ADCY6: variants seen among roughly 807,000 people sequenced by gnomAD.
ADCY6 encodes adenylate cyclase type 6.
ADCY6 carries 59 observed loss-of-function variants against 111.6 expected under a neutral mutation model. The ratio of observed to expected loss-of-function variants is 0.53; its 90% CI spans 0.43 to 0.66. ADCY6 has a LOEUF of 0.66. Among genes scored for constraint, ADCY6 ranks in the 30% least tolerant of loss-of-function variants. The probability of loss-of-function intolerance (pLI) is 0.00; values close to 1 mark genes in which losing one functional copy is unlikely to be tolerated. For synonymous variants in ADCY6, 576 were observed against 642.9 expected (o/e 0.90, Z 1.57); for missense variants, 1,242 against 1,595.6 (o/e 0.78, Z 3.78).
At position 48,783,064 on chromosome 12, in the gene ADCY6, T is replaced by C. The variant is rs1466776066; in HGVS notation, c.371A>G (p.Gln124Arg). The change falls in exon 2 of 22, where the codon CAG (glutamine) becomes CGG (arginine). Residue 124 changes from glutamine (Q) to arginine (R), a missense_variant. Coordinates refer to ENST00000357869, the MANE Select transcript of ADCY6 (RefSeq NM_015270.5). ...ACGGAACTGCTTCGACTGGAACACCTGCACCAGACGGCGCCAGCAGGATCG... is the reference window on the plus strand; with the variant it reads ...ACGGAACTGCTTCGACTGGAACACCCGCACCAGACGGCGCCAGCAGGATCG... The part of the protein sequence containing the change: ...SGRSCWRRLV[Q>R]VFQSKQFRSA... 1.2e-6 allele frequency: 2 copies of C among 1,612,906 alleles called. No individual in the cohort carries two copies. The highest frequency in any genetic ancestry group is 2.7e-5 in the African/African-American group (2 of 74,948).
At chr12:48,775,529 C>T (rs1269893796) in intron 10 of ADCY6, 79 bp from the exon 11 acceptor site, 3 of 1,595,054 alleles carry the variant, frequency 1.9e-6, no homozygotes, top group African/African-American at 2.7e-5. Context: ...GTATGGACAG[C>T]ACCTGAGGGA....
Position 48,771,028 on chromosome 12 carries a change from C to G in ADCY6, c.3052-58G>C. ...CAAAGACCCCAGACCCAGCCCTGCC[C>G]CAACACTCATTTCTTGCCACGCCTT... On this transcript the variant is annotated intron_variant, in intron 19 of 21. Coordinates refer to ENST00000357869, the MANE Select transcript of ADCY6 (RefSeq NM_015270.5). The surrounding 1 kb of genome is among the most constrained non-coding windows in gnomAD (Gnocchi z 4.3). 3.2e-6 allele frequency: 5 copies of G among 1,557,082 alleles called. No individual in the cohort carries two copies. The highest frequency in any genetic ancestry group is 4.4e-6 in the Non-Finnish European group (5 of 1,139,176).
Position 48,774,059 on chromosome 12 carries a change from G to A in ADCY6, c.2323C>T (p.Arg775Trp), listed in dbSNP as rs748915043. 1.7e-5 allele frequency: 27 copies of A among 1,611,726 alleles called. No individual in the cohort carries two copies. In the East Asian group the frequency reaches 2.5e-4, roughly 15 times the overall value. ...NHTPIRSCAA[R>W]MLNLTPADIT... The stretch of plus-strand genomic sequence containing the variant: ...TCAGCAGGTGTTAAATTCAGCATCC[G>A]GGCTGCACAGCTCCGTATGGGGGTG... Residue 775 changes from arginine to tryptophan, a missense_variant, in exon 15 of 22, where the codon CGG becomes TGG. By Grantham distance (101) the Arg-to-Trp change is moderately radical. Transcript: ENST00000357869.
chr12:48,780,085 G>C (rs752474581), intron 2 of ADCY6, among the ~76,000 whole-genome samples: 1 of 152,170 alleles, frequency 6.6e-6, no homozygotes, highest in Non-Finnish European at 1.5e-5. Context: ...AGAAGGGAAG[G>C]GGGGCAAACC....
Position 48,782,951 on chromosome 12 carries a change from GCAGCAC to G in ADCY6, c.478_483del (p.Val160_Leu161del). 1.2e-6 allele frequency: 2 copies of G among 1,613,470 alleles called. No individual in the cohort carries two copies. The highest frequency in any genetic ancestry group is 1.1e-5 in the South Asian group (1 of 91,068). On this transcript the variant is annotated inframe_deletion, in exon 2 of 22. Coordinates refer to ENST00000357869, the MANE Select transcript of ADCY6 (RefSeq NM_015270.5). This position sits in a 1 kb window ranked among gnomAD's most constrained non-coding sequence, Gnocchi z 4.3. ...TGGAAAGCCAGCAGCACCGCTGTGA[GCAGCAC>G]CAGCACCGCCATCAGCAGCGTCAGG...
At chr12:48,773,706 G>T in intron 15 of ADCY6, 59 bp from the exon 16 acceptor site, 1 of 1,600,644 alleles carries the variant, frequency 6.2e-7, no homozygotes, top group Non-Finnish European at 8.6e-7. Flanking sequence ...CCCTTGGGCA[G>T]GGAGAGCCCT....
intron 2 of ADCY6, among the ~76,000 whole-genome samples, chr12:48,781,512 A>C (rs1941845026): frequency 6.6e-6 from 1 of 152,134 alleles, no homozygotes; most frequent in Admixed American, 6.5e-5. Context: ...GCAGATCCAC[A>C]AACTAACATC....
At position 48,774,958 on chromosome 12, in the gene ADCY6, G is replaced by T. The variant is rs775978363; in HGVS notation, c.2077C>A (p.His693Asn). 3.0e-5 allele frequency: 47 copies of T among 1,553,606 alleles called. No homozygotes were observed. The highest frequency in any genetic ancestry group is 3.1e-5 in the Non-Finnish European group (36 of 1,147,838). ...ICFIQLLIFP[H>N]STLMLGIYAS... ...AGAGAGGAAAGGCAGGGCTCTCACT[G>T]TGGGAAGATGAGAAGCTGGATGAAG... is the stretch of plus-strand genomic sequence containing the variant. The change falls in exon 12 of 22, where the codon CAC becomes AAC. Residue 693 changes from histidine to asparagine, a missense_variant and splice_region_variant. Physicochemically the swap from His to Asn is moderately conservative, Grantham distance 68. This residue lies in a region of ADCY6 where 375 missense variants were observed against 432.5 expected (regional missense o/e 0.87). Coordinates refer to ENST00000357869, the MANE Select transcript of ADCY6 (RefSeq NM_015270.5).
chr12:48,788,349 TAGCCTTTCAGTCG>T (rs1403842980), intron 1 of ADCY6, among the ~76,000 whole-genome samples: 2 of 152,132 alleles, frequency 1.3e-5, no homozygotes, highest in Non-Finnish European at 2.9e-5. Context: ...ATTCCACCTC[TAGCCTTTCAGTCG>T]AGCCCCAGAG....
chr12:48,773,333 C>T, intron 16 of ADCY6, 136 bp downstream of exon 16: 1 of 986,860 alleles, frequency 1.0e-6, no homozygotes. Flanking sequence ...GGGAGCTCCT[C>T]CATCTCCTCC....
rs1941511878 is a variant in ADCY6, at chr12:48,770,669, C to G, written c.3256+97G>C. 5 of 1,251,794 alleles carry G rather than the reference C, an allele frequency of 4.0e-6. No homozygotes were observed. The Admixed American group carries it at 8.8e-5, about 22-fold the overall frequency. 77.5% of individuals were successfully genotyped at this position (1,251,794 alleles called of 1,614,324 possible). A position where few individuals can be genotyped will look rare whatever the true frequency, so the allele number is the denominator to read the frequency against. On this transcript the variant is annotated intron_variant, in intron 20 of 21. Transcript: ENST00000357869. ...AGAGGGAAGAAAACCCCACAGGAGC[C>G]CTGATGGGAAATCTGTGATCCCATC...
chr12:48,771,748 G>A lies in ADCY6; in HGVS notation c.3013C>T (p.Leu1005=), dbSNP rs1435670953. The A allele has an allele frequency of 1.9e-6, 3 of 1,614,188 alleles. No individual in the cohort carries two copies. The highest frequency in any genetic ancestry group is 1.7e-6 in the Non-Finnish European group (2 of 1,180,048). ...LEANNEGVEC[L]RLLNEIIADF... is the part of the protein sequence containing the mutation. Reference sequence around the variant, plus strand: ...GCGATGATCTCGTTGAGCAGCCGCAGGCACTCGACACCCTCATTGTTTGCC... The same window carrying A: ...GCGATGATCTCGTTGAGCAGCCGCAAGCACTCGACACCCTCATTGTTTGCC... The change falls in exon 19 of 22, where the codon CTG becomes TTG. Residue 1005 remains leucine (L), a synonymous_variant. Transcript: ENST00000357869. This position sits in a 1 kb window ranked among gnomAD's most constrained non-coding sequence, Gnocchi z 4.3.
chr12:48,774,374 G>T, intron 14 of ADCY6, 28 bp downstream of exon 14: 2 of 1,564,266 alleles, frequency 1.3e-6, no homozygotes, highest in Non-Finnish European at 8.8e-7. Flanking sequence ...ACAGAGCAGA[G>T]GTGGGAGAAT....
Position 48,777,872 on chromosome 12 carries a change from C to T in ADCY6, c.1015-136G>A, listed in dbSNP as rs1186072167. The T allele has an allele frequency of 1.4e-6, 2 of 1,407,678 alleles. No homozygotes were observed. The highest frequency in any genetic ancestry group is 1.9e-6 in the Non-Finnish European group (2 of 1,044,144). The allele number at this position is 1,407,678 out of a possible 1,614,324, so 87.2% of individuals were successfully genotyped here. On this transcript the variant is annotated intron_variant, in intron 3 of 21. Transcript: ENST00000357869. This position sits in a 1 kb window ranked among gnomAD's most constrained non-coding sequence, Gnocchi z 4.9. ...CTTCCCTTCTGGACTGTGGCCTGAC[C>T]TTCCCCCATCAGAGCCCCCTCTGAC...
chr12:48,773,707 G>A (rs1261841352), intron 15 of ADCY6, 60 bp from the exon 16 acceptor site: 2 of 1,599,146 alleles, frequency 1.3e-6, no homozygotes, highest in Non-Finnish European at 1.7e-6. Context: ...CCTTGGGCAG[G>A]GAGAGCCCTG....
intron 2 of ADCY6, among the ~76,000 whole-genome samples, chr12:48,780,627 C>T (rs1284895880): frequency 1.3e-5 from 2 of 152,118 alleles, no homozygotes; most frequent in Admixed American, 1.3e-4. Flanking sequence ...CCCAGTCAGG[C>T]ACTGGGCCTG....
In ADCY6 at chr12:48,782,873, C is replaced by T. The variant is rs761126585; in HGVS notation, c.562G>A (p.Ala188Thr). The change falls in exon 2 of 22, where the codon GCC becomes ACC. Residue 188 changes from alanine to threonine, a missense_variant. Physicochemically the swap from Ala to Thr is moderately conservative, Grantham distance 58. Around this residue, in one of 4 missense-constraint regions of ADCY6, gnomAD observed 362 missense variants for 377.2 expected, o/e 0.96. Coordinates refer to ENST00000357869, the MANE Select transcript of ADCY6 (RefSeq NM_015270.5). This position sits in a 1 kb window ranked among gnomAD's most constrained non-coding sequence, Gnocchi z 4.3. ...ACCATGAGCCCCACGAACAGGGCGG[C>T]GGCACAGGCCAACAGTGCCACATAG... The part of the protein sequence containing the change: ...PAYVALLACA[A>T]ALFVGLMVVC... The T allele has an allele frequency of 2.4e-5, 39 of 1,613,978 alleles. 1 individual carries two copies. The South Asian group carries it at 4.1e-4, about 17-fold the overall frequency.
chr12:48,769,913 C>T (rs890244920), intron 20 of ADCY6, among the ~76,000 whole-genome samples: 1 of 151,942 alleles, frequency 6.6e-6, no homozygotes, highest in African/African-American at 2.4e-5. Flanking sequence ...AGGCGCCCAC[C>T]ACCACACCCG....
intron 3 of ADCY6, 52 bp downstream of exon 3, chr12:48,778,056 G>A: frequency 1.3e-6 from 2 of 1,565,542 alleles, no homozygotes; most frequent in South Asian, 1.2e-5. Flanking sequence ...CAATGTGCAA[G>A]TTATTTGGGG....
Sources: allele counts gnomAD v4.1 joint callset (sites outside exome capture counted in the v4.1 genomes callset), GRCh38; gene constraint gnomAD v4.1.1; regional missense constraint gnomAD v4.1.1; non-coding constraint Gnocchi (gnomAD v3.1); transcripts MANE v1.5; gene names NCBI Gene and HGNC (gene_info 2026-07-23, HGNC 2026-07-21).